Variants in ROBO2 observed in about 807,000 individuals in gnomAD.
ROBO2 encodes roundabout guidance receptor 2.
ROBO2 carries 53 observed loss-of-function variants against 160.8 expected under a neutral mutation model. The observed-to-expected ratio is 0.33, with a 90% CI of 0.26 to 0.41. The LOEUF (loss-of-function observed/expected upper bound fraction) is 0.41. Among genes scored for constraint, ROBO2 ranks in the 10% least tolerant of loss-of-function variants. The pLI is 1.00. For missense variants in ROBO2, 1,577 were observed against 1,722.4 expected (o/e 0.92, Z 1.49); for synonymous variants, 664 against 611.7 (o/e 1.09, Z -1.26).
At chr3:77,458,493 TA>T in intron 2 of ROBO2, among the ~76,000 whole-genome samples, 1 of 152,234 alleles carries the variant, frequency 6.6e-6, no homozygotes, top group East Asian at 1.9e-4. Flanking sequence ...TCCGCATACC[TA>T]TTAGGAAAAG....
chr3:76,499,874 G>A (rs1197463739), intron 2 of ROBO2, among the ~76,000 whole-genome samples: 1 of 151,852 alleles, frequency 6.6e-6, no homozygotes, highest in Admixed American at 6.6e-5. Context: ...TTTTAATGAT[G>A]GTTCCAAGCT....
At chr3:77,159,523 T>C (rs991974450) in intron 2 of ROBO2, among the ~76,000 whole-genome samples, 35 of 152,174 alleles carry the variant, frequency 2.3e-4, no homozygotes, top group Non-Finnish European at 3.5e-4. Context: ...CAGTAGAACT[T>C]GTATTCAATA....
At chr3:76,009,502 T>A (rs1018267717) in intron 2 of ROBO2, among the ~76,000 whole-genome samples, 13 of 152,186 alleles carry the variant, frequency 8.5e-5, no homozygotes, top group African/African-American at 3.1e-4. Flanking sequence ...AGGTGCCATA[T>A]TCTGGGGTAG....
chr3:76,818,673 G>A (rs2065885019), intron 2 of ROBO2, among the ~76,000 whole-genome samples: 2 of 151,752 alleles, frequency 1.3e-5, no homozygotes, highest in South Asian at 4.2e-4. Flanking sequence ...TCTTCTCCAC[G>A]TGGCTTGACA....
Position 76,434,890 on chromosome 3 carries a change from C to T in ROBO2, c.109+497288C>T. 5 of 1,594,094 alleles carry T rather than the reference C, an allele frequency of 3.1e-6. No individual in the cohort carries two copies. In the South Asian group the frequency reaches 3.3e-5, roughly 11 times the overall value. Reference sequence around the variant, plus strand: ...CAGAGTGGTCCAGTATGCAGTGGCCCCAAGCCATTCTCTGCACCTAAACCC... The same window carrying T: ...CAGAGTGGTCCAGTATGCAGTGGCCTCAAGCCATTCTCTGCACCTAAACCC... On this transcript the variant is annotated intron_variant, in intron 2 of 26. Coordinates refer to the ROBO2 transcript ENST00000487694.
At chr3:76,188,684 T>G (rs1701871874) in intron 2 of ROBO2, among the ~76,000 whole-genome samples, 1 of 152,126 alleles carries the variant, frequency 6.6e-6, no homozygotes, top group Admixed American at 6.6e-5. Flanking sequence ...TTAGATTACC[T>G]TTTATGATTT....
rs534472269 is a variant in ROBO2, at chr3:76,539,317, A to T, written c.110-558697A>T. The stretch of plus-strand genomic sequence containing the variant: ...CATGGCACATGTGTACATATGTAAC[A>T]CACCTGCCCGTTCAGCACATGTATC... On this transcript the variant is annotated intron_variant, in intron 2 of 26. Transcript: ENST00000487694. 2.0e-5 allele frequency among the ~76,000 whole-genome samples: 3 copies of T among 151,978 alleles called. No individual in the cohort carries two copies. The South Asian group carries it at 6.2e-4, about 32-fold the overall frequency.
At chr3:76,798,078 C>A (rs1265853994) in intron 2 of ROBO2, among the ~76,000 whole-genome samples, 1 of 123,182 alleles carries the variant, frequency 8.1e-6, no homozygotes, top group Non-Finnish European at 1.7e-5. Flanking sequence ...TACCCTGATA[C>A]CAAAAACAGA....
chr3:76,203,401 T>G (rs968580296), intron 2 of ROBO2, among the ~76,000 whole-genome samples: 12 of 151,732 alleles, frequency 7.9e-5, no homozygotes, highest in African/African-American at 2.9e-4. Context: ...TGAGTGAGAT[T>G]GCCTCAGGCT....
chr3:77,431,356 C>A (rs932224113), intron 2 of ROBO2, among the ~76,000 whole-genome samples: 5 of 152,078 alleles, frequency 3.3e-5, no homozygotes, highest in African/African-American at 1.2e-4. Context: ...ATATAGGAAT[C>A]CATTCATTCA....
At chr3:76,943,935 T>C (rs1005470537) in intron 2 of ROBO2, among the ~76,000 whole-genome samples, 3 of 152,238 alleles carry the variant, frequency 2.0e-5, no homozygotes, top group Admixed American at 6.5e-5. Context: ...TAATAAATTA[T>C]ACAATGATTC....
chr3:76,556,250 A>C (rs539448207), intron 2 of ROBO2, among the ~76,000 whole-genome samples: 1 of 152,324 alleles, frequency 6.6e-6, no homozygotes. Flanking sequence ...ATTAATGAAG[A>C]AATCCGGTCT....
intron 2 of ROBO2, among the ~76,000 whole-genome samples, chr3:76,273,059 T>TA (rs774593297): frequency 9.5e-6 from 1 of 105,110 alleles, no homozygotes; most frequent in African/African-American, 3.7e-5. Flanking sequence ...TATAAATATA[T>TA]AAAAAATATA....
At chr3:76,166,131 G>A (rs2072827652) in intron 2 of ROBO2, among the ~76,000 whole-genome samples, 1 of 152,112 alleles carries the variant, frequency 6.6e-6, no homozygotes, top group Non-Finnish European at 1.5e-5. Flanking sequence ...CAATAGACTT[G>A]TTGGACACAA....
Position 76,603,249 on chromosome 3 carries a change from G to A in ROBO2, c.110-494765G>A, listed in dbSNP as rs113651946. On this transcript the variant is annotated intron_variant, in intron 2 of 26. Transcript: ENST00000487694. The stretch of plus-strand genomic sequence containing the variant: ...CAGGAGGCTGAGGCAGGAGAATGGC[G>A]TGAACCCGGGAGGCAGAGCTTGCAG... 7.4e-5 allele frequency among the ~76,000 whole-genome samples: 11 copies of A among 148,600 alleles called. 1 individual carries two copies. Among genetic ancestry groups the A allele is most frequent in the African/African-American group, 1.2e-4 (5 of 40,096 alleles).
intron 2 of ROBO2, among the ~76,000 whole-genome samples, chr3:76,826,053 G>GTT (rs200322872): frequency 3.7e-4 from 53 of 142,302 alleles, no homozygotes; most frequent in East Asian, 2.5e-3. Context: ...GAGTTTGTGG[G>GTT]TTTTTTTTTT....
chr3:76,386,450 G>A (rs550912655), intron 2 of ROBO2, among the ~76,000 whole-genome samples: 8 of 150,222 alleles, frequency 5.3e-5, no homozygotes, highest in African/African-American at 9.8e-5. Flanking sequence ...CAAGACAAGC[G>A]GAAGATTCAG....
At chr3:77,081,438 C>T (rs2068647431) in intron 1 of ROBO2, among the ~76,000 whole-genome samples, 1 of 152,188 alleles carries the variant, frequency 6.6e-6, no homozygotes, top group South Asian at 2.1e-4. Context: ...TGAAGAAATG[C>T]CCCTGTGTAT....
chr3:76,535,756 G>A (rs1471754507), intron 2 of ROBO2, among the ~76,000 whole-genome samples: 2 of 152,096 alleles, frequency 1.3e-5, no homozygotes, highest in Non-Finnish European at 2.9e-5. Context: ...CAGTTATGGG[G>A]GCAATGGAAA....
Sources: gnomAD v4.1 joint callset for allele counts (sites outside exome capture counted in the v4.1 genomes callset) on GRCh38, gnomAD v4.1.1 for gene constraint, MANE v1.5 for transcripts, NCBI Gene and HGNC (gene_info 2026-07-23, HGNC 2026-07-21) for gene names.